Variants in CCDC148 observed in about 807,000 individuals in gnomAD.
The protein encoded by CCDC148 is coiled-coil domain-containing protein 148.
In CCDC148, 89 loss-of-function variants were observed where a neutral mutation model predicts 85.7. The observed-to-expected ratio is 1.04, with a 90% CI of 0.87 to 1.24. The LOEUF is 1.24. CCDC148 is among the 50% of genes most tolerant of loss of function. CCDC148 has a pLI of 0.00. For missense variants in CCDC148, 692 were observed against 671.7 expected (o/e 1.03, Z -0.33); for synonymous variants, 230 against 213.9 (o/e 1.08, Z -0.66).
chr2:158,275,736 G>GAAAA (rs11291236), intron 9 of CCDC148, among the ~76,000 whole-genome samples: 4 of 146,818 alleles, frequency 2.7e-5, no homozygotes, highest in Non-Finnish European at 3.0e-5. Flanking sequence ...AATTTAAATT[G>GAAAA]AAAAAAAAAA....
rs372141216 is a variant in CCDC148, at chr2:158,439,556, C to T, written c.25+16859G>A. Among the ~76,000 whole-genome samples the T allele has an allele frequency of 9.5e-4, 144 of 151,934 alleles. 1 individual carries two copies. Among genetic ancestry groups the T allele is most frequent in the African/African-American group, 3.4e-3 (141 of 41,436 alleles). On this transcript the variant is annotated intron_variant, in intron 1 of 13. Coordinates refer to ENST00000283233, the MANE Select transcript of CCDC148 (RefSeq NM_138803.4). ...TGAGTTAATGGGTTCAGCATACCAA[C>T]GTGGCACATGTATACATATGTAACA...
intron 1 of CCDC148, among the ~76,000 whole-genome samples, chr2:158,436,986 T>C (rs1227242116): frequency 1.3e-5 from 2 of 152,174 alleles, no homozygotes; most frequent in African/African-American, 4.8e-5. Context: ...CAATAATTAA[T>C]AGCTTACAAA....
At chr2:158,295,731 A>C (rs1393534073) in intron 9 of CCDC148, among the ~76,000 whole-genome samples, 2 of 148,490 alleles carry the variant, frequency 1.3e-5, no homozygotes, top group African/African-American at 5.0e-5. Context: ...ATTTCAAAAT[A>C]ATAAGAGCTA....
At chr2:158,195,848 AGT>A (rs2105277422) in intron 11 of CCDC148, among the ~76,000 whole-genome samples, 1 of 152,286 alleles carries the variant, frequency 6.6e-6, no homozygotes, top group African/African-American at 2.4e-5. Flanking sequence ...ACAAGTGCAG[AGT>A]GTCCAGTGGG....
intron 7 of CCDC148, among the ~76,000 whole-genome samples, chr2:158,333,659 T>G (rs918574842): frequency 1.3e-4 from 20 of 152,270 alleles, no homozygotes; most frequent in Admixed American, 2.0e-4. Context: ...CTAAGTCTCT[T>G]TGTAGGTCTC....
At chr2:158,335,846 G>T (rs932608475) in intron 7 of CCDC148, among the ~76,000 whole-genome samples, 4 of 152,038 alleles carry the variant, frequency 2.6e-5, no homozygotes, top group Admixed American at 6.6e-5. Flanking sequence ...GGAAAATGAG[G>T]TTGCACTGAC....
At chr2:158,342,792 A>C (rs1297590427) in intron 3 of CCDC148, among the ~76,000 whole-genome samples, 2 of 152,104 alleles carry the variant, frequency 1.3e-5, no homozygotes, top group Non-Finnish European at 2.9e-5. Flanking sequence ...GCACACAAAA[A>C]CTTAAGGGAT....
intron 9 of CCDC148, among the ~76,000 whole-genome samples, chr2:158,282,056 G>A (rs1161273042): frequency 6.6e-6 from 1 of 151,674 alleles, no homozygotes; most frequent in African/African-American, 2.4e-5. Context: ...ATGCAGAAAA[G>A]GCCTTTGACA....
chr2:158,286,816 A>G (rs1255106938), intron 9 of CCDC148, among the ~76,000 whole-genome samples: 1 of 152,230 alleles, frequency 6.6e-6, no homozygotes, highest in Non-Finnish European at 1.5e-5. Context: ...ACCTCATACC[A>G]TTAAAAAAAA....
intron 9 of CCDC148, among the ~76,000 whole-genome samples, chr2:158,301,852 A>G (rs1211637074): frequency 6.6e-6 from 1 of 152,244 alleles, no homozygotes; most frequent in Non-Finnish European, 1.5e-5. Context: ...AGATTTCAGT[A>G]GACTGAGAAG....
intron 1 of CCDC148, among the ~76,000 whole-genome samples, chr2:158,374,953 T>C (rs1489483042): frequency 6.6e-6 from 1 of 152,002 alleles, no homozygotes; most frequent in Non-Finnish European, 1.5e-5. Context: ...TCTAAATAAA[T>C]AGTTATGCTA....
chr2:158,392,476 T>C (rs1052207968), intron 1 of CCDC148, among the ~76,000 whole-genome samples: 7 of 152,080 alleles, frequency 4.6e-5, no homozygotes, highest in African/African-American at 1.7e-4. Context: ...TTCAAAAAAA[T>C]GTCCACTGGA....
chr2:158,399,850 T>C (rs1685696982), intron 1 of CCDC148, among the ~76,000 whole-genome samples: 1 of 151,698 alleles, frequency 6.6e-6, no homozygotes, highest in Non-Finnish European at 1.5e-5. Flanking sequence ...TGTTTGCAGA[T>C]GACATGATTG....
At position 158,293,967 on chromosome 2, in the gene CCDC148, TCCCTCCCCCCCC is replaced by T. The variant is rs777470588; in HGVS notation, c.1110+15454_1110+15465del. The stretch of plus-strand genomic sequence containing the variant: ...CTTCCTTCCCCTCTCCCTCCCTCCC[TCCCTCCCCCCCC>T]CCCTCCCTCCCTCCCTCCCTCCCTC... On this transcript the variant is annotated intron_variant, in intron 9 of 13. Coordinates refer to ENST00000283233, the MANE Select transcript of CCDC148 (RefSeq NM_138803.4). 5.4e-3 allele frequency among the ~76,000 whole-genome samples: 203 copies of T among 37,250 alleles called. 10 individuals are homozygous for T. Among genetic ancestry groups the T allele is most frequent in the East Asian group, 0.013 (13 of 1,034 alleles). The allele number at this position is 37,250 out of a possible 152,430, so 24.4% of individuals were successfully genotyped here. A position where few individuals can be genotyped will look rare whatever the true frequency, so the allele number is the denominator to read the frequency against.
At chr2:158,209,056 C>T (rs1383475018) in intron 11 of CCDC148, among the ~76,000 whole-genome samples, 1 of 151,104 alleles carries the variant, frequency 6.6e-6, no homozygotes, top group Non-Finnish European at 1.5e-5. Context: ...TATAAATAAA[C>T]ATAAATATAT....
chr2:158,423,076 A>C (rs916753862), intron 1 of CCDC148, among the ~76,000 whole-genome samples: 1 of 152,214 alleles, frequency 6.6e-6, no homozygotes, highest in Non-Finnish European at 1.5e-5. Context: ...CAACGAAATA[A>C]AAGAGGACCG....
At chr2:158,230,094 A>G (rs1687777067) in intron 10 of CCDC148, among the ~76,000 whole-genome samples, 1 of 152,110 alleles carries the variant, frequency 6.6e-6, no homozygotes, top group Non-Finnish European at 1.5e-5. Flanking sequence ...ACCCTTACCT[A>G]TAGTATTAAA....
chr2:158,301,626 G>A (rs564100953), intron 9 of CCDC148, among the ~76,000 whole-genome samples: 33 of 152,340 alleles, frequency 2.2e-4, no homozygotes, highest in African/African-American at 6.7e-4. Flanking sequence ...AGGCTCCAGC[G>A]TTTTAAAGTG....
intron 1 of CCDC148, among the ~76,000 whole-genome samples, chr2:158,448,345 A>AT (rs145406168): frequency 0.17 from 24,954 of 147,754 alleles, 2,162 homozygotes; most frequent in Middle Eastern, 0.21. Flanking sequence ...TTTCCATTTT[A>AT]TTTTTTTTTT....
Sources: allele counts gnomAD v4.1 joint callset (sites outside exome capture counted in the v4.1 genomes callset), GRCh38; gene constraint gnomAD v4.1.1; transcripts MANE v1.5; gene names NCBI Gene and HGNC (gene_info 2026-07-23, HGNC 2026-07-21).